GRM7: variants seen among roughly 807,000 people sequenced by gnomAD.
GRM7 encodes glutamate metabotropic receptor 7.
In GRM7, 35 loss-of-function variants were observed where a neutral mutation model predicts 84.5. The observed-to-expected ratio is 0.41, with a 90% CI of 0.32 to 0.55. The LOEUF (loss-of-function observed/expected upper bound fraction) is 0.55. Among genes scored for constraint, GRM7 ranks in the 20% least tolerant of loss-of-function variants. The pLI, the probability that GRM7 is intolerant of heterozygous loss-of-function variation, is 0.19. For synonymous variants in GRM7, 487 were observed against 455.1 expected, an observed-to-expected ratio of 1.07 and a Z score of -0.89; for missense variants, 1,003 against 1,194.6, an observed-to-expected ratio of 0.84 and a Z score of 2.36.
At chr3:7,281,643 A>G (rs1699253372) in intron 2 of GRM7, among the ~76,000 whole-genome samples, 1 of 152,170 alleles carries the variant, frequency 6.6e-6, no homozygotes, top group Non-Finnish European at 1.5e-5. Context: ...ACAGTGATAT[A>G]TACTGTGGGG....
intron 1 of GRM7, among the ~76,000 whole-genome samples, chr3:6,943,965 A>G (rs1182458176): frequency 1.3e-5 from 2 of 151,918 alleles, no homozygotes; most frequent in Non-Finnish European, 2.9e-5. Context: ...TTTGAAAACT[A>G]TTTTCAATTC....
chr3:6,900,485 TA>T (rs963279348), intron 1 of GRM7, among the ~76,000 whole-genome samples: 4 of 151,864 alleles, frequency 2.6e-5, no homozygotes, highest in East Asian at 1.9e-4. Context: ...TATTATTATA[TA>T]AAAAAAGGAA....
Position 7,732,609 on chromosome 3 carries a change from T to C in GRM7, c.2699-7748T>C, listed in dbSNP as rs545222765. Among the ~76,000 whole-genome samples the C allele has an allele frequency of 1.8e-3, 270 of 152,284 alleles. 2 individuals are homozygous for C. Among genetic ancestry groups the C allele is most frequent in the South Asian group, 0.015 (74 of 4,818 alleles). The stretch of plus-strand genomic sequence containing the variant: ...GATCCTCTTCAAAACTGTGAATATT[T>C]CCCTGTGGCTTCTCAAGTACGACTG... On this transcript the variant is annotated intron_variant, in intron 9 of 9. Coordinates refer to ENST00000357716, the MANE Select transcript of GRM7 (RefSeq NM_000844.4).
chr3:6,976,907 A>G (rs1390242118), intron 1 of GRM7, among the ~76,000 whole-genome samples: 1 of 152,174 alleles, frequency 6.6e-6, no homozygotes, highest in East Asian at 1.9e-4. Flanking sequence ...CTTTTAACTC[A>G]TAGTTCTACC....
intron 1 of GRM7, among the ~76,000 whole-genome samples, chr3:6,905,581 C>CT (rs1696545855): frequency 6.7e-6 from 1 of 150,098 alleles, no homozygotes; most frequent in Non-Finnish European, 1.5e-5. Context: ...CTTTCTCTCT[C>CT]CCTCTCCGTC....
At chr3:7,342,918 C>A (rs763442188) in intron 4 of GRM7, among the ~76,000 whole-genome samples, 1 of 152,110 alleles carries the variant, frequency 6.6e-6, no homozygotes, top group African/African-American at 2.4e-5. Context: ...CTGTAAAATG[C>A]GGTATAGTTA....
intron 8 of GRM7, among the ~76,000 whole-genome samples, chr3:7,663,520 A>G (rs770285605): frequency 6.6e-6 from 1 of 152,230 alleles, no homozygotes. Flanking sequence ...CACAACATTC[A>G]TAACACACTG....
At chr3:7,509,335 C>T (rs1420207816) in intron 7 of GRM7, among the ~76,000 whole-genome samples, 1 of 152,114 alleles carries the variant, frequency 6.6e-6, no homozygotes, top group Non-Finnish European at 1.5e-5. Flanking sequence ...ATAAATTAAA[C>T]TTCATCTTAG....
chr3:7,272,510 AT>A (rs1164221144), intron 2 of GRM7, among the ~76,000 whole-genome samples: 27 of 152,138 alleles, frequency 1.8e-4, no homozygotes, highest in Admixed American at 1.8e-3. Flanking sequence ...AAGGCTATTA[AT>A]TATTGTTTCA....
chr3:6,979,427 T>C (rs1425729613), intron 1 of GRM7, among the ~76,000 whole-genome samples: 1 of 152,164 alleles, frequency 6.6e-6, no homozygotes, highest in Non-Finnish European at 1.5e-5. Context: ...CCCATAGACA[T>C]GTGCTTTGCA....
chr3:7,061,355 C>A (rs767022422), intron 1 of GRM7, among the ~76,000 whole-genome samples: 1 of 151,708 alleles, frequency 6.6e-6, no homozygotes, highest in African/African-American at 2.4e-5. Flanking sequence ...AAGTTCATAA[C>A]TCATTTTATC....
Position 7,452,765 on chromosome 3 carries a change from G to A in GRM7, c.1333G>A (p.Gly445Ser). 1 of 1,613,492 alleles carries A rather than the reference G, an allele frequency of 6.2e-7. No individual in the cohort carries two copies. The highest frequency in any genetic ancestry group is 8.5e-7 in the Non-Finnish European group (1 of 1,179,630). The change falls in exon 6 of 10, where the codon GGC (glycine) becomes AGC (serine). Residue 445 changes from glycine (G) to serine (S), a missense_variant. Transcript: ENST00000357716. ...GVCPEMEQAG[G>S]KKLLKYIRNV... Reference sequence around the variant, plus strand: ...CTGCCCAGAGATGGAGCAAGCTGGAGGCAAGAAGTTGCTGAAGTATATACG... The same window carrying A: ...CTGCCCAGAGATGGAGCAAGCTGGAAGCAAGAAGTTGCTGAAGTATATACG...
chr3:7,641,000 A>G (rs1698341795), intron 8 of GRM7, among the ~76,000 whole-genome samples: 1 of 152,194 alleles, frequency 6.6e-6, no homozygotes, highest in Admixed American at 6.5e-5. Flanking sequence ...AAAGTTTTAG[A>G]GCCCCAGAAG....
intron 4 of GRM7, among the ~76,000 whole-genome samples, chr3:7,312,386 G>C (rs1348723214): frequency 1.3e-5 from 2 of 152,018 alleles, no homozygotes; most frequent in Non-Finnish European, 2.9e-5. Context: ...AAAAGGAAGG[G>C]AGGCAATCAG....
chr3:7,526,633 T>C (rs563439815), intron 7 of GRM7, among the ~76,000 whole-genome samples: 1 of 152,244 alleles, frequency 6.6e-6, no homozygotes, highest in South Asian at 2.1e-4. Context: ...TCCTAGGTTT[T>C]CTTGCAGGAT....
chr3:7,271,681 A>G (rs964707297), intron 2 of GRM7, among the ~76,000 whole-genome samples: 6 of 152,100 alleles, frequency 3.9e-5, no homozygotes, highest in East Asian at 3.8e-4. Flanking sequence ...TTAAAGTTCA[A>G]TAAAAACTCC....
chr3:6,933,744 A>C (rs569528692), intron 1 of GRM7, among the ~76,000 whole-genome samples: 1 of 145,884 alleles, frequency 6.9e-6, no homozygotes, highest in Non-Finnish European at 1.5e-5. Context: ...ATTAAAAAAA[A>C]AAACAAAACA....
At chr3:7,001,709 A>T (rs1695019477) in intron 1 of GRM7, among the ~76,000 whole-genome samples, 1 of 152,354 alleles carries the variant, frequency 6.6e-6, no homozygotes, top group Non-Finnish European at 1.5e-5. Context: ...TTTGAACAGA[A>T]CGTGCTCAAT....
chr3:7,332,751 A>C (rs1169426631), intron 4 of GRM7, among the ~76,000 whole-genome samples: 1 of 152,174 alleles, frequency 6.6e-6, no homozygotes, highest in Non-Finnish European at 1.5e-5. Context: ...CCTTTGAAAG[A>C]AACAGCTTAC....
Sources: gnomAD v4.1 joint callset for allele counts (sites outside exome capture counted in the v4.1 genomes callset) on GRCh38, gnomAD v4.1.1 for gene constraint, MANE v1.5 for transcripts, NCBI Gene and HGNC (gene_info 2026-07-23, HGNC 2026-07-21) for gene names.